PPP2R3A: variants seen among roughly 807,000 people sequenced by gnomAD.
PPP2R3A encodes serine/threonine-protein phosphatase 2A regulatory subunit B'' subunit alpha.
A neutral mutation model predicts 106.9 loss-of-function variants in PPP2R3A; 80 were observed. The ratio of observed to expected loss-of-function variants is 0.75; its 90% confidence interval spans 0.62 to 0.90. The LOEUF (loss-of-function observed/expected upper bound fraction) is 0.90, where lower values mean the gene tolerates loss of function less well. Ranked by LOEUF, PPP2R3A falls within the 40% of genes least tolerant of loss-of-function variation. PPP2R3A has a pLI of 0.00. For synonymous variants in PPP2R3A, 483 were observed against 468.3 expected (o/e 1.03, Z -0.41); for missense variants, 1,386 against 1,350.4 (o/e 1.03, Z -0.41).
At chr3:136,092,778 A>C (rs1022900608) in intron 10 of PPP2R3A, among the ~76,000 whole-genome samples, 1 of 152,182 alleles carries the variant, frequency 6.6e-6, no homozygotes, top group South Asian at 2.1e-4. Flanking sequence ...CCAATGGGGA[A>C]AAAAAACAGT....
intron 13 of PPP2R3A, among the ~76,000 whole-genome samples, chr3:136,114,829 G>T (rs945957967): frequency 1.3e-5 from 2 of 152,158 alleles, no homozygotes; most frequent in African/African-American, 4.8e-5. Context: ...TAGAGCATGT[G>T]GGGGAAGGGG....
chr3:136,003,286 A>C lies in PPP2R3A; in HGVS notation c.1788A>C (p.Glu596Asp). The C allele has an allele frequency of 6.2e-7, 1 of 1,613,926 alleles. No homozygotes were observed. Among genetic ancestry groups the C allele is most frequent in the Non-Finnish European group, 8.5e-7 (1 of 1,179,924 alleles). ...GAGCCCTCTTACTGCGAATCCTGGAAAGCATTGAAGACTTTGCTCAAGAAC... is the reference window on the plus strand; with the variant it reads ...GAGCCCTCTTACTGCGAATCCTGGACAGCATTGAAGACTTTGCTCAAGAAC... ...EDRALLLRIL[E>D]SIEDFAQELV... Residue 596 changes from glutamate (E) to aspartate (D), a missense_variant, in exon 2 of 14, where the codon GAA (glutamate) becomes GAC (aspartate). Coordinates refer to ENST00000264977, the MANE Select transcript of PPP2R3A (RefSeq NM_002718.5).
At chr3:136,084,300 T>A (rs1936866280) in intron 8 of PPP2R3A, among the ~76,000 whole-genome samples, 1 of 152,234 alleles carries the variant, frequency 6.6e-6, no homozygotes, top group Admixed American at 6.5e-5. Flanking sequence ...GCTCAGGCCG[T>A]TGCTTCAGAG....
chr3:136,144,401 C>T (rs1210390541), intron 13 of PPP2R3A, among the ~76,000 whole-genome samples: 1 of 152,030 alleles, frequency 6.6e-6, no homozygotes, highest in African/African-American at 2.4e-5. Flanking sequence ...TGGCTCAAGC[C>T]TGTAATCCCA....
At position 136,106,157 on chromosome 3, in the gene PPP2R3A, T is replaced by C. The variant is rs1937512125; in HGVS notation, c.3223-59T>C. On this transcript the variant is annotated intron_variant, in intron 12 of 13. Transcript: ENST00000264977. ...CAGTATACATTTGTGTGATGATCTA[T>C]CTCCAATTCTTTGTCTTTGATTTTT... is the stretch of plus-strand genomic sequence containing the variant. 3 of 1,376,504 alleles carry C rather than the reference T, an allele frequency of 2.2e-6. No individual in the cohort carries two copies. In the Admixed American group the frequency reaches 6.0e-5, roughly 27 times the overall value. 85.3% of individuals were successfully genotyped at this position (1,376,504 alleles called of 1,614,324 possible).
chr3:136,129,680 A>G (rs1220186809), intron 13 of PPP2R3A, among the ~76,000 whole-genome samples: 1 of 152,232 alleles, frequency 6.6e-6, no homozygotes, highest in African/African-American at 2.4e-5. Context: ...GGCCAGCATC[A>G]TCCTGATGCC....
At chr3:136,072,217 A>G (rs915165735) in intron 6 of PPP2R3A, among the ~76,000 whole-genome samples, 5 of 152,126 alleles carry the variant, frequency 3.3e-5, no homozygotes, top group Non-Finnish European at 7.4e-5. Context: ...AACTTTGTCT[A>G]TGTCCTCAGT....
intron 3 of PPP2R3A, among the ~76,000 whole-genome samples, chr3:136,032,366 G>A (rs1033577452): frequency 4.6e-5 from 7 of 151,994 alleles, no homozygotes; most frequent in East Asian, 1.9e-4. Flanking sequence ...CTACTGATTC[G>A]TGTACATTAA....
chr3:136,107,431 C>CTTT (rs11324496), intron 13 of PPP2R3A, among the ~76,000 whole-genome samples: 15 of 71,420 alleles, frequency 2.1e-4, no homozygotes, highest in East Asian at 4.7e-4. Context: ...TACATGAATT[C>CTTT]TTTTTTTTTT....
intron 1 of PPP2R3A, among the ~76,000 whole-genome samples, chr3:135,972,448 A>G (rs1937278129): frequency 6.6e-6 from 1 of 152,166 alleles, no homozygotes; most frequent in Non-Finnish European, 1.5e-5. Context: ...TTGTTTAAAT[A>G]CCTGTTTTCA....
intron 4 of PPP2R3A, among the ~76,000 whole-genome samples, chr3:136,042,057 T>C (rs1375743143): frequency 6.6e-6 from 1 of 152,236 alleles, no homozygotes; most frequent in Non-Finnish European, 1.5e-5. Context: ...GTTATTATTA[T>C]TTAACATCAA....
At chr3:136,079,374 T>C in intron 7 of PPP2R3A, 1 of 196,540 alleles carries the variant, frequency 5.1e-6, no homozygotes, top group South Asian at 8.2e-5. Flanking sequence ...ACATTATAGG[T>C]TGTAGTTTCT....
At chr3:135,976,533 CCTTTT>C (rs1357493645) in intron 1 of PPP2R3A, among the ~76,000 whole-genome samples, 1 of 152,114 alleles carries the variant, frequency 6.6e-6, no homozygotes, top group Admixed American at 6.5e-5. Flanking sequence ...CAGGTGCTTG[CCTTTT>C]CTTGTTTATT....
intron 6 of PPP2R3A, among the ~76,000 whole-genome samples, chr3:136,074,811 C>T (rs895312011): frequency 2.0e-5 from 3 of 152,170 alleles, no homozygotes; most frequent in Non-Finnish European, 2.9e-5. Flanking sequence ...GGAGACTGCT[C>T]ACACTAAGAG....
intron 13 of PPP2R3A, among the ~76,000 whole-genome samples, chr3:136,129,625 C>A (rs1938323669): frequency 6.6e-6 from 1 of 152,128 alleles, no homozygotes; most frequent in African/African-American, 2.4e-5. Flanking sequence ...TGAAACTACT[C>A]CAATCAATAG....
chr3:135,976,116 A>G (rs1473484201), intron 1 of PPP2R3A, among the ~76,000 whole-genome samples: 1 of 152,140 alleles, frequency 6.6e-6, no homozygotes, highest in African/African-American at 2.4e-5. Context: ...TTCTTCTTTC[A>G]TCTTTAGTAA....
At chr3:136,132,172 A>G (rs1211908368) in intron 13 of PPP2R3A, among the ~76,000 whole-genome samples, 1 of 152,150 alleles carries the variant, frequency 6.6e-6, no homozygotes, top group African/African-American at 2.4e-5. Context: ...ATAAAAAAAA[A>G]ACGAATGCCT....
intron 10 of PPP2R3A, among the ~76,000 whole-genome samples, chr3:136,098,675 A>G (rs1316888275): frequency 6.6e-6 from 1 of 152,222 alleles, no homozygotes; most frequent in Non-Finnish European, 1.5e-5. Context: ...AAATAATAAC[A>G]AAGTATTGGA....
intron 13 of PPP2R3A, among the ~76,000 whole-genome samples, chr3:136,143,523 CTCA>C (rs954017504): frequency 2.3e-4 from 35 of 152,034 alleles, no homozygotes; most frequent in Admixed American, 2.2e-3. Flanking sequence ...GGCGCAGTGG[CTCA>C]TGCCTGTAAT....
Sources: gnomAD v4.1 joint callset for allele counts (sites outside exome capture counted in the v4.1 genomes callset) on GRCh38, gnomAD v4.1.1 for gene constraint, MANE v1.5 for transcripts, NCBI Gene and HGNC (gene_info 2026-07-23, HGNC 2026-07-21) for gene names.